The following PANK2 variants were observed in gnomAD, a reference collection of about 807,000 sequenced individuals.
PANK2 encodes the protein pantothenate kinase 2, mitochondrial.
A neutral mutation model predicts 43.1 loss-of-function variants in PANK2; 36 were observed. That is an observed-to-expected ratio of 0.84 (90% confidence interval 0.64 to 1.10). PANK2 has a LOEUF of 1.10. PANK2 is among the 50% of genes least tolerant of loss of function. The pLI, the probability that PANK2 is intolerant of heterozygous loss-of-function variation, is 0.00. For synonymous variants in PANK2, 281 were observed against 238.2 expected (o/e 1.18, Z -1.66); for missense variants, 576 against 593.3 (o/e 0.97, Z 0.30).
intron 1 of PANK2, among the ~76,000 whole-genome samples, chr20:3,892,691 A>AAT (rs1340143860): frequency 1.3e-5 from 2 of 150,978 alleles, no homozygotes; most frequent in African/African-American, 2.4e-5. Context: ...AAAAAAAAAA[A>AAT]GCCTTACTCT....
Position 3,927,301 on chromosome 20 carries a change from C to CACA in PANK2, c.*4011_*4013dup, listed in dbSNP as rs761169422. ...TGTTCCCTCTGTTCAAAGGCATATGCACAACACTATTTTTCAAAATTTGCT... is the reference window on the plus strand; with the variant it reads ...TGTTCCCTCTGTTCAAAGGCATATGCACAACAACACTATTTTTCAAAATTTGCT... On this transcript the variant is annotated 3_prime_UTR_variant, in exon 7 of 7. Transcript: ENST00000610179. 6.6e-6 allele frequency: 1 copy of CACA among 152,314 alleles called. No homozygotes were observed. Among genetic ancestry groups the CACA allele is most frequent in the Middle Eastern group, 3.4e-3 (1 of 294 alleles). The allele number at this position is 152,314 out of a possible 1,614,324, so 9.4% of individuals were successfully genotyped here.
chr20:3,895,177 G>A (rs921885198), intron 1 of PANK2, among the ~76,000 whole-genome samples: 2 of 152,116 alleles, frequency 1.3e-5, no homozygotes, highest in African/African-American at 2.4e-5. Context: ...AGGACGCTGA[G>A]GCAGGAGAAT....
chr20:3,917,454 G>A, intron 5 of PANK2: 1 of 534,454 alleles, frequency 1.9e-6, no homozygotes, highest in Non-Finnish European at 3.8e-6. Context: ...AGGCCGAGGG[G>A]TGCCCTCCTT....
upstream of PANK2, chr20:3,889,291 C>G: frequency 6.2e-7 from 1 of 1,607,298 alleles, no homozygotes; most frequent in South Asian, 1.1e-5. Context: ...AGGGAGCCGA[C>G]TGGACGCGAG....
intron 4 of PANK2, among the ~76,000 whole-genome samples, chr20:3,913,775 C>CATACATATAT (rs1555788887): frequency 1.6e-5 from 2 of 124,004 alleles, no homozygotes; most frequent in South Asian, 5.9e-4. Flanking sequence ...CACACACACA[C>CATACATATAT]ATATATATAT....
intron 1 of PANK2, among the ~76,000 whole-genome samples, chr20:3,902,600 A>G (rs548925852): frequency 5.3e-5 from 8 of 149,938 alleles, no homozygotes; most frequent in African/African-American, 2.0e-4. Context: ...TTTTCTTTTA[A>G]AGTAGAGATG....
chr20:3,911,658 G>A (rs1445126064), intron 3 of PANK2, among the ~76,000 whole-genome samples: 2 of 151,614 alleles, frequency 1.3e-5, no homozygotes, highest in African/African-American at 4.8e-5. Context: ...TTGGGAGGCC[G>A]AGGCGGGTGG....
Position 3,917,072 on chromosome 20 carries a change from T to C in PANK2, c.1206+22T>C, listed in dbSNP as rs1417658457. 9 of 1,613,820 alleles carry C rather than the reference T, an allele frequency of 5.6e-6. No homozygotes were observed. The Admixed American group carries it at 1.3e-4, about 24-fold the overall frequency. On this transcript the variant is annotated intron_variant, in intron 5 of 6. Coordinates refer to ENST00000610179, the MANE Select transcript of PANK2 (RefSeq NM_001386393.1). Reference sequence around the variant, plus strand: ...TGAAGTAAGGGGACATGGATTTCTTTAATTGCTCTAAGGAAAATACTGAAC... The same window carrying C: ...TGAAGTAAGGGGACATGGATTTCTTCAATTGCTCTAAGGAAAATACTGAAC...
At chr20:3,898,204 A>G (rs2090241701) in intron 1 of PANK2, among the ~76,000 whole-genome samples, 1 of 150,310 alleles carries the variant, frequency 6.7e-6, no homozygotes, top group African/African-American at 2.4e-5. Flanking sequence ...TTTTTATTTT[A>G]TTATTTATTT....
Position 3,923,406 on chromosome 20 carries a change from A to G in PANK2, c.*112A>G. On this transcript the variant is annotated 3_prime_UTR_variant, in exon 7 of 7. Coordinates refer to ENST00000610179, the MANE Select transcript of PANK2 (RefSeq NM_001386393.1). ...CTGTACTACCTGAAACAAAGTGAGA[A>G]AGGACAGGTGTATTTTTCTAAGTCA... 1 of 1,138,348 alleles carries G rather than the reference A, an allele frequency of 8.8e-7. No homozygotes were observed. Among genetic ancestry groups the G allele is most frequent in the South Asian group, 1.3e-5 (1 of 79,438 alleles). The allele number at this position is 1,138,348 out of a possible 1,614,324, so 70.5% of individuals were successfully genotyped here. A position where few individuals can be genotyped will look rare whatever the true frequency, so the allele number is the denominator to read the frequency against.
At chr20:3,902,658 T>C (rs1007709940) in intron 1 of PANK2, among the ~76,000 whole-genome samples, 1 of 151,532 alleles carries the variant, frequency 6.6e-6, no homozygotes. Context: ...TGGCTTCAAG[T>C]GATCCTCCCA....
At chr20:3,923,048 A>G (rs2090671130) in intron 6 of PANK2, among the ~76,000 whole-genome samples, 196 bp from the exon 7 acceptor site, 1 of 152,074 alleles carries the variant, frequency 6.6e-6, no homozygotes. Context: ...ATAGTCTAGG[A>G]CATCCAGCCC....
intron 1 of PANK2, chr20:3,901,742 T>C (rs941909564): frequency 3.0e-6 from 1 of 333,608 alleles, no homozygotes; most frequent in Non-Finnish European, 4.3e-6. Context: ...ATGGCATTCA[T>C]CTACCAATTA....
chr20:3,888,941 C>CAATG, upstream of PANK2: 1 of 569,380 alleles, frequency 1.8e-6, no homozygotes, highest in Non-Finnish European at 3.0e-6. Flanking sequence ...CTGCCGACGA[C>CAATG]CAGCGGCCAG....
rs2090323610 is a variant in PANK2, at chr20:3,902,871, TTTTTCTC to T, written c.299-5050_299-5044del. ...TGTCAAGTTTTATTTTAGCAATTGT[TTTTTCTC>T]TTTTATAACAGCGTCTTTAATGTTG... is the stretch of plus-strand genomic sequence containing the variant. On this transcript the variant is annotated intron_variant, in intron 1 of 6. Transcript: ENST00000610179. 2.0e-5 allele frequency among the ~76,000 whole-genome samples: 3 copies of T among 152,010 alleles called. No individual in the cohort carries two copies. In the South Asian group the frequency reaches 6.3e-4, roughly 32 times the overall value.
intron 5 of PANK2, chr20:3,917,462 C>T (rs2090580400): frequency 1.9e-6 from 1 of 534,246 alleles, no homozygotes; most frequent in Non-Finnish European, 3.8e-6. Context: ...GGGTGCCCTC[C>T]TTGGCTCCCC....
At chr20:3,906,085 T>C (rs2090382649) in intron 1 of PANK2, among the ~76,000 whole-genome samples, 1 of 152,134 alleles carries the variant, frequency 6.6e-6, no homozygotes, top group South Asian at 2.1e-4. Context: ...GCTTTTTGAC[T>C]TACGATGTTT....
At chr20:3,889,359 A>G (rs1324320146), upstream of PANK2, 2 of 1,581,236 alleles carry the variant, frequency 1.3e-6, no homozygotes, top group Non-Finnish European at 1.7e-6. Context: ...GCGCAACGGA[A>G]GAGGCGGCCG....
At chr20:3,896,922 A>G (rs992490238) in intron 1 of PANK2, among the ~76,000 whole-genome samples, 13 of 152,240 alleles carry the variant, frequency 8.5e-5, no homozygotes, top group African/African-American at 2.7e-4. Context: ...GCAAACTCCA[A>G]CTTGAAGCCA....
Sources: allele counts gnomAD v4.1 joint callset (sites outside exome capture counted in the v4.1 genomes callset), GRCh38; gene constraint gnomAD v4.1.1; transcripts MANE v1.5; gene names NCBI Gene and HGNC (gene_info 2026-07-23, HGNC 2026-07-21).